Variants in CDH18 observed in about 807,000 individuals in gnomAD.
CDH18 encodes cadherin 18.
A neutral mutation model predicts 67.9 loss-of-function variants in CDH18; 31 were observed. That is an observed-to-expected ratio of 0.46 (90% CI 0.34 to 0.62). The LOEUF is 0.62. Among genes scored for constraint, CDH18 ranks in the 20% least tolerant of loss-of-function variants. CDH18 has a pLI of 0.01. For synonymous variants in CDH18, 362 were observed against 347.2 expected (o/e 1.04, Z -0.48); for missense variants, 890 against 975.5 (o/e 0.91, Z 1.17).
At chr5:19,850,805 A>G (rs1346700980) in intron 2 of CDH18, among the ~76,000 whole-genome samples, 1 of 151,904 alleles carries the variant, frequency 6.6e-6, no homozygotes, top group East Asian at 1.9e-4. Context: ...GTGGCTTAGA[A>G]AAGTAACAGG....
At chr5:20,333,698 C>G (rs566035300) in intron 1 of CDH18, among the ~76,000 whole-genome samples, 1 of 151,882 alleles carries the variant, frequency 6.6e-6, no homozygotes, top group Non-Finnish European at 1.5e-5. Context: ...AAGAATTTAA[C>G]CGGCATCGAT....
intron 7 of CDH18, among the ~76,000 whole-genome samples, chr5:19,581,196 G>A (rs1743194435): frequency 6.6e-6 from 1 of 151,816 alleles, no homozygotes. Context: ...TAATTTAACA[G>A]CTTACTGTCA....
chr5:20,511,544 T>C (rs1319344609), intron 1 of CDH18, among the ~76,000 whole-genome samples: 1 of 152,216 alleles, frequency 6.6e-6, no homozygotes, highest in East Asian at 1.9e-4. Flanking sequence ...AAAAGTGATA[T>C]AACCCCTATG....
At chr5:20,094,076 G>A (rs1486413908) in intron 2 of CDH18, among the ~76,000 whole-genome samples, 2 of 152,050 alleles carry the variant, frequency 1.3e-5, no homozygotes, top group Non-Finnish European at 2.9e-5. Context: ...AATATCCCAT[G>A]CTCTCAGTTG....
intron 2 of CDH18, among the ~76,000 whole-genome samples, chr5:20,198,248 G>A (rs944324170): frequency 1.3e-5 from 2 of 152,194 alleles, no homozygotes; most frequent in Non-Finnish European, 2.9e-5. Context: ...AGTTTGGAGG[G>A]CAAGAAAAGA....
intron 2 of CDH18, among the ~76,000 whole-genome samples, chr5:19,935,795 ACTCTCTCTCTCT>A (rs70954623): frequency 0.011 from 1,283 of 117,356 alleles, 25 homozygotes; most frequent in African/African-American, 0.037. Flanking sequence ...ACAGTCAGGA[ACTCTCTCTCTCT>A]CTCTCTCTCT....
At chr5:20,365,587 T>C (rs908696879) in intron 1 of CDH18, among the ~76,000 whole-genome samples, 1 of 152,224 alleles carries the variant, frequency 6.6e-6, no homozygotes, top group Non-Finnish European at 1.5e-5. Context: ...TTTATTGTCA[T>C]GTTTCCTTCA....
chr5:20,427,785 TAATA>T (rs1270609348), intron 1 of CDH18, among the ~76,000 whole-genome samples: 3 of 151,136 alleles, frequency 2.0e-5, no homozygotes, highest in Non-Finnish European at 4.4e-5. Context: ...GGATCCTCTT[TAATA>T]AATCCTAATG....
Position 20,532,492 on chromosome 5 carries a change from T to G in CDH18, c.-580+42970A>C, listed in dbSNP as rs74967557. Among the ~76,000 whole-genome samples the G allele has an allele frequency of 8.1e-3, 1,225 of 152,152 alleles. 19 individuals are homozygous for G. Among genetic ancestry groups the G allele is most frequent in the African/African-American group, 0.028 (1,143 of 41,542 alleles). ...GTTTTCCTATATTATACTATTTCGA[T>G]CAAAACTCCTCAACCTCACATGACC... On this transcript the variant is annotated intron_variant, in intron 1 of 14. Transcript: ENST00000507958.
chr5:20,238,884 C>T (rs1742674499), intron 2 of CDH18, among the ~76,000 whole-genome samples: 1 of 152,016 alleles, frequency 6.6e-6, no homozygotes, highest in African/African-American at 2.4e-5. Flanking sequence ...ATGAATATTT[C>T]CATATAAAGG....
intron 1 of CDH18, among the ~76,000 whole-genome samples, chr5:20,419,084 G>A (rs1168847607): frequency 6.6e-6 from 1 of 151,984 alleles, no homozygotes; most frequent in Non-Finnish European, 1.5e-5. Flanking sequence ...CCCATGCGGA[G>A]GTAATTGAAT....
chr5:20,496,563 A>G (rs1291408688), intron 1 of CDH18, among the ~76,000 whole-genome samples: 8 of 152,112 alleles, frequency 5.3e-5, no homozygotes, highest in South Asian at 2.1e-4. Flanking sequence ...TTTTTTTGAG[A>G]TGGAGTCTCG....
At position 20,224,008 on chromosome 5, in the gene CDH18, G is replaced by A. The variant is rs934237242; in HGVS notation, c.-518+31436C>T. On this transcript the variant is annotated intron_variant, in intron 2 of 14. Transcript: ENST00000507958. Reference sequence around the variant, plus strand: ...AATAGTAAAATTCTTAATTTCTGAAGAATTGCTTCTCTTTTTATATTAAGT... The same window carrying A: ...AATAGTAAAATTCTTAATTTCTGAAAAATTGCTTCTCTTTTTATATTAAGT... Among the ~76,000 whole-genome samples, 36 of 152,082 alleles carry A rather than the reference G, an allele frequency of 2.4e-4. 1 individual carries two copies. The highest frequency in any genetic ancestry group is 8.8e-5 in the Non-Finnish European group (6 of 68,006).
chr5:20,331,043 C>T (rs1739122312), intron 1 of CDH18, among the ~76,000 whole-genome samples: 1 of 152,146 alleles, frequency 6.6e-6, no homozygotes, highest in South Asian at 2.1e-4. Context: ...AAGAGTTCTC[C>T]ACAGTGCATT....
At chr5:20,423,119 G>T (rs554340973) in intron 1 of CDH18, among the ~76,000 whole-genome samples, 3 of 151,356 alleles carry the variant, frequency 2.0e-5, no homozygotes, top group African/African-American at 7.4e-5. Context: ...GAGAATGAAT[G>T]GACGTCTGTG....
intron 2 of CDH18, among the ~76,000 whole-genome samples, chr5:19,867,136 T>A (rs981424926): frequency 6.6e-6 from 1 of 152,116 alleles, no homozygotes; most frequent in Non-Finnish European, 1.5e-5. Context: ...CCCACTCACC[T>A]CCTGCAAAGA....
intron 3 of CDH18, among the ~76,000 whole-genome samples, chr5:19,836,463 C>T (rs1408095479): frequency 6.6e-6 from 1 of 152,114 alleles, no homozygotes; most frequent in African/African-American, 2.4e-5. Context: ...GCATAAATTT[C>T]TTCTTTTGAG....
chr5:19,628,269 G>A (rs1173994121), intron 5 of CDH18, among the ~76,000 whole-genome samples: 2 of 152,118 alleles, frequency 1.3e-5, no homozygotes, highest in East Asian at 3.9e-4. Flanking sequence ...CCTCAGCCAC[G>A]TGAAACTGTG....
intron 1 of CDH18, among the ~76,000 whole-genome samples, chr5:20,282,747 G>C (rs1450894836): frequency 6.6e-6 from 1 of 152,052 alleles, no homozygotes; most frequent in East Asian, 1.9e-4. Context: ...AGTTAGGGAG[G>C]ATTCCCTCTT....
Sources: gnomAD v4.1 joint callset for allele counts (sites outside exome capture counted in the v4.1 genomes callset) on GRCh38, gnomAD v4.1.1 for gene constraint, MANE v1.5 for transcripts, NCBI Gene and HGNC (gene_info 2026-07-23, HGNC 2026-07-21) for gene names.